RALGAPA2: variants seen among roughly 807,000 people sequenced by gnomAD.
RALGAPA2 encodes the protein ral GTPase-activating protein subunit alpha-2.
A neutral mutation model predicts 230.4 loss-of-function variants in RALGAPA2; 139 were observed. The observed-to-expected ratio is 0.60, with a 90% CI of 0.53 to 0.69. The LOEUF (loss-of-function observed/expected upper bound fraction) is 0.69. RALGAPA2 is among the 30% of genes least tolerant of loss of function. The probability of loss-of-function intolerance (pLI) is 0.00; values close to 1 mark genes in which losing one functional copy is unlikely to be tolerated. For missense variants in RALGAPA2, 2,163 were observed against 2,276.0 expected, an observed-to-expected ratio of 0.95 and a Z score of 1.01; for synonymous variants, 847 against 837.8, an observed-to-expected ratio of 1.01 and a Z score of -0.19.
At chr20:20,400,436 A>T (rs7264033) in intron 38 of RALGAPA2, among the ~76,000 whole-genome samples, 1 of 152,150 alleles carries the variant, frequency 6.6e-6, no homozygotes, top group African/African-American at 2.4e-5. Context: ...GCTCCCGTGC[A>T]GGGGCTAAGT....
chr20:20,573,432 G>C (rs1245997460), intron 20 of RALGAPA2, among the ~76,000 whole-genome samples: 1 of 152,164 alleles, frequency 6.6e-6, no homozygotes, highest in Non-Finnish European at 1.5e-5. Context: ...TGCGGTGGTT[G>C]TTGTTAGGTC....
chr20:20,691,492 G>A (rs866652597), intron 1 of RALGAPA2, among the ~76,000 whole-genome samples: 1 of 151,948 alleles, frequency 6.6e-6, no homozygotes, highest in Non-Finnish European at 1.5e-5. Context: ...TAATCCATGT[G>A]AAAAAAACCA....
In RALGAPA2 at chr20:20,620,585, C is replaced by T. The variant is rs768798223; in HGVS notation, c.1279G>A (p.Val427Ile). The stretch of plus-strand genomic sequence containing the variant: ...AGAATCCACTTTCTGTACACTTGAA[C>T]TACTTTTCTTGTTACAGCTATCTCA... ...SCEIAVTRKV[V>I]QVYRKWILQD... Residue 427 changes from valine (V) to isoleucine (I), a missense_variant, in exon 11 of 40, where the codon GTT becomes ATT. By Grantham distance (29) the Val-to-Ile change is conservative (BLOSUM62 3). Coordinates refer to ENST00000202677, the MANE Select transcript of RALGAPA2 (RefSeq NM_020343.4). 6.2e-7 allele frequency: 1 copy of T among 1,613,604 alleles called. No homozygotes were observed. The highest frequency in any genetic ancestry group is 8.5e-7 in the Non-Finnish European group (1 of 1,179,748).
rs200778090 is a variant in RALGAPA2, at chr20:20,629,546, A to G, written c.1050T>C (p.Asp350=). The G allele has an allele frequency of 2.2e-5, 35 of 1,613,836 alleles. No homozygotes were observed. Among genetic ancestry groups the G allele is most frequent in the Non-Finnish European group, 2.9e-5 (34 of 1,179,888 alleles). The change falls in exon 10 of 40, where the codon GAT becomes GAC. Residue 350 remains aspartate, a synonymous_variant. Transcript: ENST00000202677. The part of the protein sequence containing the change: ...GAVQERAPEL[D]GGGPTEQDKS... ...TGTCCTGCTCCGTGGGCCCACCACC[A>G]TCCAGCTCAGGCGCTCTCTCCTGCA...
At position 20,571,491 on chromosome 20, in the gene RALGAPA2, A is replaced by G. The variant is rs2064631946; in HGVS notation, c.3123T>C (p.Leu1041=). Residue 1041 remains leucine, a synonymous_variant, in exon 23 of 40, where the codon CTT becomes CTC. Transcript: ENST00000202677. ...PNSDFLVHFY[L]VMHLGLTSED... ...CGCTGGTTAATCCCAGGTGCATCAC[A>G]AGGTAAAAATGCACCAGGAAATCTG... 8.1e-6 allele frequency: 13 copies of G among 1,612,798 alleles called. No homozygotes were observed. Among genetic ancestry groups the G allele is most frequent in the Non-Finnish European group, 1.1e-5 (13 of 1,179,606 alleles).
At chr20:20,703,678 T>C (rs1434926578) in intron 1 of RALGAPA2, among the ~76,000 whole-genome samples, 1 of 152,232 alleles carries the variant, frequency 6.6e-6, no homozygotes, top group Non-Finnish European at 1.5e-5. Flanking sequence ...ACATTTTATA[T>C]GCGGTTAAGT....
chr20:20,585,008 AAG>A, intron 18 of RALGAPA2, 53 bp from the exon 19 acceptor site: 1 of 1,268,460 alleles, frequency 7.9e-7, no homozygotes. Context: ...TCATTGTTAT[AAG>A]ACTTAAGTTT....
At chr20:20,581,887 A>AT (rs950415832) in intron 20 of RALGAPA2, among the ~76,000 whole-genome samples, 3 of 152,006 alleles carry the variant, frequency 2.0e-5, no homozygotes, top group African/African-American at 7.3e-5. Flanking sequence ...ATTTTAAAAT[A>AT]TTTTTTGGCA....
chr20:20,627,901 C>T (rs1009847265), intron 10 of RALGAPA2, among the ~76,000 whole-genome samples: 17 of 152,062 alleles, frequency 1.1e-4, no homozygotes, highest in African/African-American at 3.6e-4. Context: ...GTAAAGGCCC[C>T]AAGGAGGCAA....
chr20:20,607,976 T>C (rs1459173496), intron 14 of RALGAPA2, among the ~76,000 whole-genome samples: 2 of 152,194 alleles, frequency 1.3e-5, no homozygotes, highest in Non-Finnish European at 2.9e-5. Context: ...GGTGTCCTTT[T>C]AATCAATTAC....
At chr20:20,677,628 C>CTTTTTTTTTTTTTTTTT (rs1568741580) in intron 2 of RALGAPA2, among the ~76,000 whole-genome samples, 2 of 121,840 alleles carry the variant, frequency 1.6e-5, no homozygotes. Flanking sequence ...TGATTTGACC[C>CTTTTTTTTTTTTTTTTT]ATTTTTTTTT....
In RALGAPA2 at chr20:20,605,183, C is replaced by T. The variant is rs373278843; in HGVS notation, c.2030G>A (p.Arg677Gln). The T allele has an allele frequency of 1.2e-6, 2 of 1,604,104 alleles. No homozygotes were observed. The highest frequency in any genetic ancestry group is 1.3e-5 in the African/African-American group (1 of 74,760). ...TGGAAGAGTGGAAATACCTTTGCCT[C>T]GTTGCTTCTTTTCCTTTTGTTCACT... ...KLSEQKEKKQRGKGCVLDPQK... is the reference protein window; with the variant it reads ...KLSEQKEKKQQGKGCVLDPQK... The change falls in exon 15 of 40, where the codon CGA (arginine) becomes CAA (glutamine). Residue 677 changes from arginine (R) to glutamine (Q), a missense_variant. Physicochemically the swap from Arg to Gln is conservative, Grantham distance 43. Transcript: ENST00000202677.
intron 37 of RALGAPA2, among the ~76,000 whole-genome samples, chr20:20,461,966 G>GC (rs2061312647): frequency 6.7e-6 from 1 of 150,370 alleles, no homozygotes; most frequent in African/African-American, 2.5e-5. Context: ...CTTCATTGGT[G>GC]TTGGATTAAG....
At chr20:20,710,642 T>C (rs2069818632) in intron 1 of RALGAPA2, among the ~76,000 whole-genome samples, 1 of 151,740 alleles carries the variant, frequency 6.6e-6, no homozygotes, top group South Asian at 2.1e-4. Flanking sequence ...TAAAAGAAAG[T>C]TCCCTAAAAT....
At chr20:20,497,329 T>G (rs2062237775) in intron 35 of RALGAPA2, among the ~76,000 whole-genome samples, 1 of 152,166 alleles carries the variant, frequency 6.6e-6, no homozygotes. Flanking sequence ...TAGGTATGTT[T>G]TCGGGGAAAT....
intron 9 of RALGAPA2, among the ~76,000 whole-genome samples, chr20:20,631,414 G>C (rs1044510177): frequency 2.0e-5 from 3 of 152,230 alleles, no homozygotes; most frequent in Admixed American, 2.0e-4. Flanking sequence ...AGGATGTTGG[G>C]ATAGAAAAAT....
chr20:20,645,483 GAGAAAAATACATATAGAA>G (rs1330804793), intron 4 of RALGAPA2, among the ~76,000 whole-genome samples: 1 of 152,070 alleles, frequency 6.6e-6, no homozygotes, highest in Non-Finnish European at 1.5e-5. Flanking sequence ...ACACACAGAG[GAGAAAAATACATATAGAA>G]AGGGCATTAC....
In RALGAPA2 at chr20:20,456,925, C is replaced by T. The variant is rs139723938; in HGVS notation, c.5495+15904G>A. On this transcript the variant is annotated intron_variant, in intron 37 of 39. Coordinates refer to ENST00000202677, the MANE Select transcript of RALGAPA2 (RefSeq NM_020343.4). ...GCCTAAACTCCTGGACTCAAGTGAT[C>T]CTCCCACCTCCTGAGGAGCTGGAAC... 1.3e-3 allele frequency among the ~76,000 whole-genome samples: 201 copies of T among 152,196 alleles called. 1 individual carries two copies. Among genetic ancestry groups the T allele is most frequent in the African/African-American group, 4.6e-3 (192 of 41,514 alleles).
At chr20:20,464,021 C>T (rs542665719) in intron 37 of RALGAPA2, among the ~76,000 whole-genome samples, 1 of 152,276 alleles carries the variant, frequency 6.6e-6, no homozygotes, top group South Asian at 2.1e-4. Flanking sequence ...GCTTCTGGTC[C>T]CTATGGAAAC....
Sources: gnomAD v4.1 joint callset for allele counts (sites outside exome capture counted in the v4.1 genomes callset) on GRCh38, gnomAD v4.1.1 for gene constraint, MANE v1.5 for transcripts, NCBI Gene and HGNC (gene_info 2026-07-23, HGNC 2026-07-21) for gene names.